Variants in PHTF2 observed in about 807,000 individuals in gnomAD.
PHTF2 encodes the protein protein PHTF2.
In PHTF2, 60 loss-of-function variants were observed where a neutral mutation model predicts 101.2. The ratio of observed to expected loss-of-function variants is 0.59; its 90% CI spans 0.48 to 0.73. PHTF2 has a LOEUF of 0.73. Ranked by LOEUF, PHTF2 falls within the 30% of genes least tolerant of loss-of-function variation. PHTF2 has a pLI of 0.00. For synonymous variants in PHTF2, 311 were observed against 307.3 expected (o/e 1.01, Z -0.13); for missense variants, 747 against 908.7 (o/e 0.82, Z 2.29).
At chr7:77,947,646 C>A (rs553299016) in intron 16 of PHTF2, among the ~76,000 whole-genome samples, 1 of 152,048 alleles carries the variant, frequency 6.6e-6, no homozygotes, top group South Asian at 2.1e-4. Context: ...CATATTGATT[C>A]TCCTGGGGGA....
chr7:77,920,646 A>G (rs1377359769), intron 10 of PHTF2, among the ~76,000 whole-genome samples, 181 bp downstream of exon 9: 1 of 152,200 alleles, frequency 6.6e-6, no homozygotes, highest in East Asian at 1.9e-4. Context: ...GATTGACAAT[A>G]TAATCTGACA....
At chr7:77,850,526 C>T (rs1243185251) in intron 2 of PHTF2, among the ~76,000 whole-genome samples, 1 of 150,062 alleles carries the variant, frequency 6.7e-6, no homozygotes, top group East Asian at 2.0e-4. Flanking sequence ...CCTGTAGTTG[C>T]AACTACTTGG....
intron 3 of PHTF2, among the ~76,000 whole-genome samples, chr7:77,873,655 C>T (rs879622406): frequency 6.6e-6 from 1 of 151,990 alleles, no homozygotes; most frequent in Non-Finnish European, 1.5e-5. Context: ...CAGCATGGGT[C>T]GGGGAGGGGA....
intron 9 of PHTF2, among the ~76,000 whole-genome samples, chr7:77,915,056 C>A (rs536252561): frequency 2.8e-4 from 38 of 134,968 alleles, no homozygotes; most frequent in African/African-American, 9.5e-4. Flanking sequence ...GGACTACAGG[C>A]ACGCACCACC....
intron 3 of PHTF2, among the ~76,000 whole-genome samples, chr7:77,864,428 T>TATAA (rs1382410975): frequency 6.6e-6 from 1 of 152,232 alleles, no homozygotes; most frequent in African/African-American, 2.4e-5. Context: ...TCATATGTGG[T>TATAA]ATAAACTCTT....
chr7:77,827,448 G>A (rs1337891639), intron 1 of PHTF2, among the ~76,000 whole-genome samples: 2 of 151,984 alleles, frequency 1.3e-5, no homozygotes, highest in South Asian at 2.1e-4. Flanking sequence ...TCTGCCTCCC[G>A]GGTTCAGGCA....
At chr7:77,951,531 A>G in intron 17 of PHTF2, 86 bp from the exon 17 acceptor site, 1 of 605,028 alleles carries the variant, frequency 1.7e-6, no homozygotes, top group South Asian at 2.3e-5. Flanking sequence ...AATCTCAATA[A>G]CCAGATACTT....
intron 1 of PHTF2, among the ~76,000 whole-genome samples, chr7:77,810,314 A>C (rs1191272022): frequency 1.3e-5 from 2 of 152,216 alleles, no homozygotes. Flanking sequence ...CAAAATCAGG[A>C]AATTAACATT....
At chr7:77,906,995 G>A (rs1045743137) in intron 7 of PHTF2, among the ~76,000 whole-genome samples, 1 of 148,758 alleles carries the variant, frequency 6.7e-6, no homozygotes, top group Non-Finnish European at 1.5e-5. Flanking sequence ...CGGTGTATAA[G>A]CAGCTTTTCA....
intron 2 of PHTF2, among the ~76,000 whole-genome samples, chr7:77,848,047 T>G (rs1193628189): frequency 1.3e-5 from 2 of 152,206 alleles, no homozygotes; most frequent in Non-Finnish European, 2.9e-5. Context: ...ATCTCATTCT[T>G]TCTTACGACG....
At chr7:77,951,959 G>T (rs965351712) in intron 18 of PHTF2, among the ~76,000 whole-genome samples, 1 of 151,916 alleles carries the variant, frequency 6.6e-6, no homozygotes, top group Non-Finnish European at 1.5e-5. Flanking sequence ...GTAGAGGTTG[G>T]CATCTTTGGA....
chr7:77,828,391 G>C (rs897792704), intron 1 of PHTF2, among the ~76,000 whole-genome samples: 1 of 152,152 alleles, frequency 6.6e-6, no homozygotes, highest in Non-Finnish European at 1.5e-5. Flanking sequence ...GTGGTACTTT[G>C]GTTGGTAATA....
intron 11 of PHTF2, among the ~76,000 whole-genome samples, chr7:77,926,377 G>C (rs56865116): frequency 0.16 from 23,596 of 151,964 alleles, 2,557 homozygotes; most frequent in African/African-American, 0.3. Flanking sequence ...CTTTTTCTTT[G>C]TATATTTGTT....
intron 19 of PHTF2, among the ~76,000 whole-genome samples, 190 bp downstream of exon 18, chr7:77,954,084 GTATT>G (rs1431183758): frequency 6.6e-6 from 1 of 152,148 alleles, no homozygotes; most frequent in East Asian, 1.9e-4. Flanking sequence ...ACTTGGAACA[GTATT>G]TATTATAAAT....
intron 2 of PHTF2, among the ~76,000 whole-genome samples, chr7:77,852,780 G>A (rs1330020647): frequency 6.6e-6 from 1 of 152,168 alleles, no homozygotes; most frequent in Non-Finnish European, 1.5e-5. Context: ...TGGTGTTGAT[G>A]AAATCTCTCA....
At chr7:77,871,060 G>A (rs1798474798) in intron 3 of PHTF2, among the ~76,000 whole-genome samples, 1 of 152,134 alleles carries the variant, frequency 6.6e-6, no homozygotes, top group Admixed American at 6.5e-5. Flanking sequence ...TGGTATTGAT[G>A]ACTACCTTCT....
At chr7:77,815,541 T>G (rs1793790642) in intron 1 of PHTF2, among the ~76,000 whole-genome samples, 2 of 152,200 alleles carry the variant, frequency 1.3e-5, no homozygotes, top group African/African-American at 4.8e-5. Flanking sequence ...TTTAGGAAAA[T>G]AGCGGCCATA....
intron 11 of PHTF2, chr7:77,924,141 A>AT (rs1803739687): frequency 9.4e-6 from 9 of 956,566 alleles, no homozygotes; most frequent in Non-Finnish European, 1.1e-5. Context: ...TCTAAAAAAA[A>AT]GCAAAATAAA....
chr7:77,831,888 A>G (rs1464538130), intron 1 of PHTF2, among the ~76,000 whole-genome samples: 1 of 152,198 alleles, frequency 6.6e-6, no homozygotes, highest in Non-Finnish European at 1.5e-5. Context: ...ACATTAAAGT[A>G]CGTGCCCTTA....
Sources: gnomAD v4.1 joint callset for allele counts (sites outside exome capture counted in the v4.1 genomes callset) on GRCh38, gnomAD v4.1.1 for gene constraint, MANE v1.5 for transcripts, NCBI Gene and HGNC (gene_info 2026-07-23, HGNC 2026-07-21) for gene names.